Variants in MPPED2 observed in about 807,000 individuals in gnomAD.
MPPED2 encodes metallophosphoesterase domain containing 2, also known as metallophosphoesterase MPPED2.
Under a neutral mutation model 33.0 loss-of-function variants are expected in MPPED2, and 5 were observed. The observed-to-expected ratio is 0.15, with a 90% CI of 0.08 to 0.32. The LOEUF (loss-of-function observed/expected upper bound fraction) is 0.32, where lower values mean the gene tolerates loss of function less well. MPPED2 is among the 10% of genes least tolerant of loss of function. MPPED2 has a pLI of 1.00. For synonymous variants in MPPED2, 136 were observed against 141.9 expected (o/e 0.96, Z 0.29); for missense variants, 275 against 372.1 (o/e 0.74, Z 2.15).
At chr11:30,478,582 A>G (rs1951327239) in intron 4 of MPPED2, among the ~76,000 whole-genome samples, 1 of 152,142 alleles carries the variant, frequency 6.6e-6, no homozygotes, top group Admixed American at 6.6e-5. Context: ...TGCATCATAA[A>G]CAAAGGATTT....
intron 2 of MPPED2, among the ~76,000 whole-genome samples, chr11:30,539,590 GTGTT>G (rs1318998168): frequency 5.9e-5 from 9 of 152,118 alleles, no homozygotes; most frequent in African/African-American, 2.2e-4. Context: ...ATAATGTTTT[GTGTT>G]TGTTTGGTTT....
At chr11:30,561,763 A>G (rs1956250232) in intron 2 of MPPED2, among the ~76,000 whole-genome samples, 1 of 152,220 alleles carries the variant, frequency 6.6e-6, no homozygotes, top group African/African-American at 2.4e-5. Context: ...CTTGTGGAGC[A>G]ACCTGTGACC....
intron 4 of MPPED2, among the ~76,000 whole-genome samples, chr11:30,461,933 G>A (rs1273160908): frequency 1.3e-5 from 2 of 152,140 alleles, no homozygotes; most frequent in Non-Finnish European, 2.9e-5. Flanking sequence ...CAGAGATGCT[G>A]GGCACTCACT....
At chr11:30,448,845 C>T (rs1034347591) in intron 4 of MPPED2, among the ~76,000 whole-genome samples, 29 of 151,972 alleles carry the variant, frequency 1.9e-4, no homozygotes, top group Non-Finnish European at 3.1e-4. Flanking sequence ...TTAGTAGAGA[C>T]GGGGTTTCTC....
At position 30,506,852 on chromosome 11, in the gene MPPED2, C is replaced by T. The variant is rs186102713; in HGVS notation, c.311-11331G>A. On this transcript the variant is annotated intron_variant, in intron 3 of 6. Transcript: ENST00000358117. ...ATTTGGGCAGATGATGCAGGATTTC[C>T]GAATGCAGGAATTCTGCGGGGCAGG... Among the ~76,000 whole-genome samples, 7 of 152,222 alleles carry T rather than the reference C, an allele frequency of 4.6e-5. No individual in the cohort carries two copies. The East Asian group carries it at 5.8e-4, about 13-fold the overall frequency.
chr11:30,472,385 T>TAA (rs1950988698), intron 4 of MPPED2, among the ~76,000 whole-genome samples: 2 of 150,734 alleles, frequency 1.3e-5, no homozygotes, highest in African/African-American at 4.9e-5. Flanking sequence ...ATAATAATAA[T>TAA]TAAGCATGAA....
At chr11:30,408,631 T>C (rs995894136), downstream of MPPED2, among the ~76,000 whole-genome samples, 1 of 152,156 alleles carries the variant, frequency 6.6e-6, no homozygotes, top group Non-Finnish European at 1.5e-5. Flanking sequence ...TCAGAGGGCA[T>C]CCATCAACTT....
At chr11:30,429,157 C>T (rs924371995) in intron 4 of MPPED2, 1 of 152,206 alleles carries the variant, frequency 6.6e-6, no homozygotes, top group African/African-American at 2.4e-5. Flanking sequence ...TCTCTGAATT[C>T]CTGTCTCCTT....
At chr11:30,500,211 C>T (rs895520996) in intron 3 of MPPED2, among the ~76,000 whole-genome samples, 25 of 152,324 alleles carry the variant, frequency 1.6e-4, no homozygotes, top group African/African-American at 5.5e-4. Flanking sequence ...ATTCTGACCT[C>T]TGTTGATCAC....
At chr11:30,449,193 A>AATGT (rs1190180194) in intron 4 of MPPED2, among the ~76,000 whole-genome samples, 1 of 152,092 alleles carries the variant, frequency 6.6e-6, no homozygotes, top group Non-Finnish European at 1.5e-5. Flanking sequence ...AGAATGAATG[A>AATGT]ATGAATGAAT....
intron 4 of MPPED2, among the ~76,000 whole-genome samples, chr11:30,425,400 G>A (rs1237865097): frequency 5.9e-5 from 9 of 152,258 alleles, no homozygotes; most frequent in East Asian, 3.9e-4. Flanking sequence ...CGAACTTGGC[G>A]TGCTCTGAAT....
intron 4 of MPPED2, among the ~76,000 whole-genome samples, chr11:30,489,818 C>T (rs187084528): frequency 2.6e-5 from 4 of 152,302 alleles, no homozygotes; most frequent in Non-Finnish European, 5.9e-5. Flanking sequence ...AAGGTGCAGG[C>T]TTTCGCTGAA....
chr11:30,414,804 T>C (rs1440262488), intron 5 of MPPED2, among the ~76,000 whole-genome samples: 1 of 152,194 alleles, frequency 6.6e-6, no homozygotes, highest in East Asian at 1.9e-4. Flanking sequence ...TCTCTTTAGA[T>C]ACACTAAGTC....
intron 4 of MPPED2, among the ~76,000 whole-genome samples, chr11:30,462,687 T>C (rs1443427580): frequency 2.0e-5 from 3 of 152,222 alleles, no homozygotes; most frequent in South Asian, 2.1e-4. Context: ...AGAAGTCTAA[T>C]AATGTTCCAT....
intron 4 of MPPED2, among the ~76,000 whole-genome samples, chr11:30,445,898 A>C (rs566617315): frequency 4.6e-5 from 7 of 152,338 alleles, no homozygotes; most frequent in African/African-American, 1.4e-4. Flanking sequence ...ATTGGGAATA[A>C]TGCTGCTATG....
intron 6 of MPPED2, among the ~76,000 whole-genome samples, chr11:30,413,481 G>A (rs1214243820): frequency 1.3e-5 from 2 of 152,156 alleles, no homozygotes; most frequent in African/African-American, 2.4e-5. Context: ...AAGGCAGGTC[G>A]GAGAAAACCC....
chr11:30,461,647 A>G (rs759827120), intron 4 of MPPED2, among the ~76,000 whole-genome samples: 3 of 152,158 alleles, frequency 2.0e-5, no homozygotes, highest in African/African-American at 2.4e-5. Context: ...TTACAGTCCA[A>G]AGTTCAGCAC....
chr11:30,497,223 G>A (rs1356599860), intron 3 of MPPED2, among the ~76,000 whole-genome samples: 2 of 152,162 alleles, frequency 1.3e-5, no homozygotes, highest in African/African-American at 4.8e-5. Flanking sequence ...TAGAATGGTG[G>A]TATCTTGCAC....
chr11:30,394,417 ATCCTTG>A (rs1947815395), intron 6 of MPPED2, among the ~76,000 whole-genome samples: 1 of 152,178 alleles, frequency 6.6e-6, no homozygotes, highest in Admixed American at 6.5e-5. Context: ...GTTGCTCTGC[ATCCTTG>A]TCAGCACTTG....
Sources: allele counts gnomAD v4.1 joint callset (sites outside exome capture counted in the v4.1 genomes callset), GRCh38; gene constraint gnomAD v4.1.1; transcripts MANE v1.5; gene names NCBI Gene and HGNC (gene_info 2026-07-23, HGNC 2026-07-21).